Variants in RUFY2 observed in about 807,000 individuals in gnomAD.
The protein encoded by RUFY2 is RUN and FYVE domain containing 2, also known as RUN and FYVE domain-containing protein 2.
Under a neutral mutation model 94.4 loss-of-function variants are expected in RUFY2, and 49 were observed. The observed-to-expected ratio is 0.52, with a 90% CI of 0.41 to 0.66. The LOEUF (loss-of-function observed/expected upper bound fraction) is 0.66, where lower values mean the gene tolerates loss of function less well. RUFY2 is among the 30% of genes least tolerant of loss of function. RUFY2 has a pLI of 0.00. For missense variants in RUFY2, 541 were observed against 692.8 expected, an observed-to-expected ratio of 0.78 and a Z score of 2.46; for synonymous variants, 255 against 235.7, an observed-to-expected ratio of 1.08 and a Z score of -0.75.
intron 16 of RUFY2, among the ~76,000 whole-genome samples, chr10:68,352,855 G>A (rs1401945648): frequency 1.3e-5 from 2 of 152,008 alleles, no homozygotes; most frequent in African/African-American, 4.8e-5. Flanking sequence ...GGGAGGTGGA[G>A]GTTGCAGTGA....
At chr10:68,377,120 G>T in intron 12 of RUFY2, 148 bp from the exon 13 acceptor site, 2 of 1,495,404 alleles carry the variant, frequency 1.3e-6, no homozygotes, top group Non-Finnish European at 8.9e-7. Context: ...ACTCAAACGT[G>T]AAAGAGCCAC....
rs1484658990 is a variant in RUFY2 at position 68,376,197 on chromosome 10, G to A, written c.1325+656C>T. On this transcript the variant is annotated intron_variant, in intron 13 of 17. Coordinates refer to ENST00000602465, the MANE Select transcript of RUFY2 (RefSeq NM_001330103.2). ...TCCCAGCACTTTGGGAGGCCAAGACGGGTGGATCACCTGAGGTCAGTAGTT... is the reference window on the plus strand; with the variant it reads ...TCCCAGCACTTTGGGAGGCCAAGACAGGTGGATCACCTGAGGTCAGTAGTT... 7.9e-5 allele frequency among the ~76,000 whole-genome samples: 12 copies of A among 151,002 alleles called. No homozygotes were observed. The East Asian group carries it at 1.4e-3, about 17-fold the overall frequency.
intron 12 of RUFY2, chr10:68,377,472 T>C: frequency 1.0e-6 from 1 of 992,052 alleles, no homozygotes; most frequent in Non-Finnish European, 1.2e-6. Context: ...CAAGTCCTTC[T>C]TACGGCATCT....
intron 16 of RUFY2, among the ~76,000 whole-genome samples, chr10:68,353,671 C>A (rs982438848): frequency 6.6e-6 from 1 of 151,864 alleles, no homozygotes; most frequent in Non-Finnish European, 1.5e-5. Context: ...AGGTGGCACG[C>A]ACCTGTGGTC....
Position 68,344,381 on chromosome 10 carries a change from CAAACTT to C in RUFY2, c.*1381_*1386del, listed in dbSNP as rs1447705395. 7.9e-5 allele frequency: 12 copies of C among 152,124 alleles called. No individual in the cohort carries two copies. Among genetic ancestry groups the C allele is most frequent in the South Asian group, 4.1e-4 (2 of 4,820 alleles). The allele number at this position is 152,124 out of a possible 1,614,324, so 9.4% of individuals were successfully genotyped here. On this transcript the variant is annotated 3_prime_UTR_variant, in exon 18 of 18. Coordinates refer to ENST00000602465, the MANE Select transcript of RUFY2 (RefSeq NM_001330103.2). ...TTTCTATGTATTTTTTATAGGCTCA[CAAACTT>C]AAAGTGCATGGTTAAAAATTAATGT...
intron 8 of RUFY2, among the ~76,000 whole-genome samples, chr10:68,385,068 C>T (rs185360189): frequency 1.3e-5 from 2 of 152,202 alleles, no homozygotes; most frequent in East Asian, 3.9e-4. Context: ...TTGAGATCAG[C>T]CTGACCAACA....
At chr10:68,353,254 C>T (rs1439691320) in intron 16 of RUFY2, among the ~76,000 whole-genome samples, 2 of 151,468 alleles carry the variant, frequency 1.3e-5, no homozygotes, top group African/African-American at 4.9e-5. Context: ...TCTCTTGAAG[C>T]CGGGAGGCGG....
chr10:68,397,239 C>A (rs1310216477), intron 3 of RUFY2, among the ~76,000 whole-genome samples: 3 of 152,178 alleles, frequency 2.0e-5, no homozygotes, highest in Non-Finnish European at 4.4e-5. Flanking sequence ...CCCTATTGTT[C>A]CTAGGCTGTA....
chr10:68,394,803 G>C (rs760292729), intron 4 of RUFY2, among the ~76,000 whole-genome samples: 3 of 151,364 alleles, frequency 2.0e-5, no homozygotes, highest in Non-Finnish European at 1.5e-5. Flanking sequence ...CTAATTTTTT[G>C]TATTTTTAGT....
At chr10:68,392,108 T>G (rs1250520693) in intron 7 of RUFY2, among the ~76,000 whole-genome samples, 2 of 151,668 alleles carry the variant, frequency 1.3e-5, no homozygotes, top group Non-Finnish European at 2.9e-5. Flanking sequence ...CTCGACTCAC[T>G]GCAACCTCCA....
At position 68,345,464 on chromosome 10, in the gene RUFY2, A is replaced by G. The variant is rs1025054576; in HGVS notation, c.*304T>C. On this transcript the variant is annotated 3_prime_UTR_variant, in exon 18 of 18. Coordinates refer to ENST00000602465, the MANE Select transcript of RUFY2 (RefSeq NM_001330103.2). ...ACCAAATTGACAGAATTCAGAAGAA[A>G]AAAACAATCTGAAGCCTTATTTTTA... 1.7e-5 allele frequency: 7 copies of G among 404,152 alleles called. No homozygotes were observed. The highest frequency in any genetic ancestry group is 2.6e-5 in the Non-Finnish European group (6 of 230,100). The allele number at this position is 404,152 out of a possible 1,614,324, so 25.0% of individuals were successfully genotyped here.
At chr10:68,372,584 A>T (rs1171422763) in intron 13 of RUFY2, among the ~76,000 whole-genome samples, 2 of 91,204 alleles carry the variant, frequency 2.2e-5, no homozygotes, top group Admixed American at 1.2e-4. Flanking sequence ...CTCTCTCTTT[A>T]AAAAAAAAAA....
chr10:68,352,877 G>GCA (rs2046782367), intron 16 of RUFY2, among the ~76,000 whole-genome samples: 2 of 151,544 alleles, frequency 1.3e-5, no homozygotes, highest in Non-Finnish European at 2.9e-5. Context: ...TCAAGATCGT[G>GCA]CCACTACACT....
chr10:68,378,703 GA>G, intron 12 of RUFY2: 1 of 1,540,042 alleles, frequency 6.5e-7, no homozygotes, highest in Admixed American at 1.9e-5. Flanking sequence ...ATCAAAGACA[GA>G]AAAAGGTAAT....
intron 13 of RUFY2, 58 bp downstream of exon 13, chr10:68,376,795 A>G (rs1350667098): frequency 1.3e-6 from 2 of 1,496,740 alleles, no homozygotes; most frequent in Non-Finnish European, 1.9e-6. Flanking sequence ...CATTATGTGC[A>G]AAAAAATGAG....
At chr10:68,406,711 C>G in intron 1 of RUFY2, 1 of 1,546,012 alleles carries the variant, frequency 6.5e-7, no homozygotes, top group Non-Finnish European at 8.7e-7. Context: ...GCAAGGCTGC[C>G]CAGAGGCCTG....
chr10:68,379,812 AT>A (rs57690201), intron 11 of RUFY2, among the ~76,000 whole-genome samples: 15,923 of 142,118 alleles, frequency 0.11, 901 homozygotes, highest in South Asian at 0.22. Context: ...GCTATTAGTC[AT>A]TTTTTTTTTT....
At position 68,394,079 on chromosome 10, in the gene RUFY2, CT is replaced by C; in HGVS notation, c.579del (p.Glu194LysfsTer10). The C allele has an allele frequency of 6.6e-7, 1 of 1,505,540 alleles. No homozygotes were observed. 93.3% of individuals were successfully genotyped at this position (1,505,540 alleles called of 1,614,324 possible). ...YLKNEEDIGN[K>X]ERNVQIAAIL... ...AATAACTTATGAAAATCATACCTTT[CT>C]TTATTTCCAATATCTTCTTCATTCT... On this transcript the variant is annotated frameshift_variant, in exon 6 of 18. Coordinates refer to ENST00000602465, the MANE Select transcript of RUFY2 (RefSeq NM_001330103.2). LOFTEE classifies it high-confidence loss of function.
chr10:68,358,785 C>T (rs2047227606), intron 15 of RUFY2, among the ~76,000 whole-genome samples: 1 of 152,058 alleles, frequency 6.6e-6, no homozygotes. Flanking sequence ...ATGGCACACA[C>T]GTGTAATTCC....
Sources: gnomAD v4.1 joint callset for allele counts (sites outside exome capture counted in the v4.1 genomes callset) on GRCh38, gnomAD v4.1.1 for gene constraint, MANE v1.5 for transcripts, NCBI Gene and HGNC (gene_info 2026-07-23, HGNC 2026-07-21) for gene names.